Variants in MYH15 observed in about 807,000 individuals in gnomAD.
MYH15 encodes the protein myosin-15.
MYH15 carries 227 observed loss-of-function variants against 240.5 expected under a neutral mutation model. That is an observed-to-expected ratio of 0.94 (90% CI 0.85 to 1.05). The LOEUF (loss-of-function observed/expected upper bound fraction) is 1.05, where lower values mean the gene tolerates loss of function less well. MYH15 is among the 50% of genes least tolerant of loss of function. The probability of loss-of-function intolerance (pLI) is 0.00; values close to 1 mark genes in which losing one functional copy is unlikely to be tolerated. For missense variants in MYH15, 2,217 were observed against 2,247.5 expected (o/e 0.99, Z 0.27); for synonymous variants, 785 against 796.7 (o/e 0.99, Z 0.25).
chr3:108,409,594 C>T (rs1433321780), intron 31 of MYH15, among the ~76,000 whole-genome samples: 3 of 152,186 alleles, frequency 2.0e-5, no homozygotes, highest in Non-Finnish European at 4.4e-5. Flanking sequence ...TGTAGGTCAA[C>T]AGAAAGTAAG....
At chr3:108,434,128 T>A (rs1323708976) in intron 25 of MYH15, among the ~76,000 whole-genome samples, 14 of 16,422 alleles carry the variant, frequency 8.5e-4, no homozygotes, top group Non-Finnish European at 2.7e-3. Flanking sequence ...TTAAATATTG[T>A]TGTATTTAAT....
chr3:108,447,614 T>C (rs28887916), intron 21 of MYH15, among the ~76,000 whole-genome samples: 2,592 of 150,298 alleles, frequency 0.017, 71 homozygotes, highest in African/African-American at 0.06. Context: ...CAACCAGAAA[T>C]ACTGTATCCA....
At chr3:108,475,157 T>G (rs1328873883) in intron 12 of MYH15, among the ~76,000 whole-genome samples, 1 of 152,158 alleles carries the variant, frequency 6.6e-6, no homozygotes, top group Admixed American at 6.6e-5. Context: ...TGTCTTATAT[T>G]ACAAATTTGT....
At chr3:108,460,638 C>G (rs979378671) in intron 16 of MYH15, among the ~76,000 whole-genome samples, 3 of 152,092 alleles carry the variant, frequency 2.0e-5, no homozygotes, top group Non-Finnish European at 2.9e-5. Context: ...TAAAATTCAT[C>G]AACAAATGCA....
intron 9 of MYH15, among the ~76,000 whole-genome samples, chr3:108,490,049 T>C (rs2083334861): frequency 6.6e-6 from 1 of 152,238 alleles, no homozygotes; most frequent in Non-Finnish European, 1.5e-5. Flanking sequence ...CAGTCTCTGC[T>C]GGTACCCACA....
chr3:108,455,636 G>T, intron 20 of MYH15, 100 bp downstream of exon 20: 1 of 1,334,858 alleles, frequency 7.5e-7, no homozygotes, highest in Non-Finnish European at 1.1e-6. Flanking sequence ...GGTCATGAGA[G>T]CTGAAGAATG....
At chr3:108,458,750 C>T (rs1292832700) in intron 18 of MYH15, among the ~76,000 whole-genome samples, 2 of 148,584 alleles carry the variant, frequency 1.3e-5, no homozygotes, top group African/African-American at 5.0e-5. Context: ...GAATTGAAAA[C>T]ATTAAAAAAA....
intron 33 of MYH15, among the ~76,000 whole-genome samples, chr3:108,403,861 GTGAAC>G (rs904599549): frequency 5.3e-5 from 8 of 151,842 alleles, no homozygotes; most frequent in African/African-American, 1.9e-4. Context: ...ATTATAATTG[GTGAAC>G]TGCTCTACGA....
chr3:108,515,464 A>G (rs2083554348), upstream of MYH15, among the ~76,000 whole-genome samples: 1 of 152,178 alleles, frequency 6.6e-6, no homozygotes, highest in Non-Finnish European at 1.5e-5. Context: ...CCTATATTTA[A>G]TTTCTGCCTT....
intron 25 of MYH15, among the ~76,000 whole-genome samples, chr3:108,436,103 G>T (rs1469789510): frequency 6.6e-6 from 1 of 152,076 alleles, no homozygotes; most frequent in African/African-American, 2.4e-5. Context: ...AATTTGAAAT[G>T]CCACCTTTAT....
chr3:108,493,824 G>A (rs527587668), intron 7 of MYH15, among the ~76,000 whole-genome samples: 3 of 152,366 alleles, frequency 2.0e-5, no homozygotes, highest in South Asian at 2.1e-4. Context: ...AAAGGGTAGA[G>A]TTTTATTTTA....
At chr3:108,471,025 AAAAG>A (rs140380789) in intron 12 of MYH15, among the ~76,000 whole-genome samples, 178 bp from the exon 13 acceptor site, 27,726 of 129,654 alleles carry the variant, frequency 0.21, 3,380 homozygotes, top group African/African-American at 0.35. Context: ...GAGAGAGAGA[AAAAG>A]AAAGAAAGAA....
Position 108,421,188 on chromosome 3 carries a change from T to C in MYH15, c.3729A>G (p.Leu1243=), listed in dbSNP as rs757074638. The C allele has an allele frequency of 6.8e-6, 11 of 1,613,496 alleles. No homozygotes were observed. Among genetic ancestry groups the C allele is most frequent in the Non-Finnish European group, 9.3e-6 (11 of 1,179,904 alleles). ...TTGCTTCATGCAAGCGCTCTTCATA[T>C]AGAGTACAGAGTTTCTCAGCATTTG... is the stretch of plus-strand genomic sequence containing the variant. ...AKANAEKLCT[L]YEERLHEATA... Residue 1243 remains leucine (L), a synonymous_variant, in exon 28 of 41, where the codon CTA becomes CTG. Transcript: ENST00000693548.
At position 108,510,591 on chromosome 3, in the gene MYH15, A is replaced by AG. The variant is rs34809945; in HGVS notation, c.-62_-61insC. ...ACGTGAGTAGGCAAGATTCAACCTG[A>AG]AAAAAAAAAATTGATACAGAGAAGA... On this transcript the variant is annotated 5_prime_UTR_variant, in exon 1 of 41. Coordinates refer to ENST00000693548, the MANE Select transcript of MYH15 (RefSeq NM_014981.3). 8.9e-3 allele frequency: 10,568 copies of AG among 1,193,386 alleles called. 38 individuals carry two copies. The highest frequency in any genetic ancestry group is 0.021 in the Middle Eastern group (101 of 4,856). The allele number at this position is 1,193,386 out of a possible 1,614,324, so 73.9% of individuals were successfully genotyped here. A position where few individuals can be genotyped will look rare whatever the true frequency, so the allele number is the denominator to read the frequency against.
At chr3:108,453,109 G>C (rs1425789030) in intron 21 of MYH15, among the ~76,000 whole-genome samples, 3 of 152,076 alleles carry the variant, frequency 2.0e-5, no homozygotes, top group Non-Finnish European at 2.9e-5. Flanking sequence ...GATCATAAAG[G>C]CTTCACTTTA....
intron 10 of MYH15, 129 bp from the exon 11 acceptor site, chr3:108,485,358 A>C (rs1219155421): frequency 9.8e-7 from 1 of 1,022,582 alleles, no homozygotes; most frequent in Non-Finnish European, 1.4e-6. Context: ...GTTCAAAGCA[A>C]TGCAAATCAG....
intron 30 of MYH15, among the ~76,000 whole-genome samples, chr3:108,411,665 T>A (rs992760873): frequency 6.6e-6 from 1 of 152,250 alleles, no homozygotes; most frequent in Admixed American, 6.5e-5. Flanking sequence ...TGTGTTCTGT[T>A]TCTTACATCT....
At chr3:108,537,818 A>G in the MYH15 span, among the ~76,000 whole-genome samples, 1 of 152,312 alleles carries the variant, frequency 6.6e-6, no homozygotes, top group East Asian at 1.9e-4. Context: ...AAAACAAAGA[A>G]AAATAATTAA....
chr3:108,539,285 G>A, the MYH15 span, among the ~76,000 whole-genome samples: 300 of 152,296 alleles, frequency 2.0e-3, no homozygotes, highest in African/African-American at 6.1e-3. Flanking sequence ...AAAAGCAGGT[G>A]AAACAATACC....
Sources: gnomAD v4.1 joint callset for allele counts (sites outside exome capture counted in the v4.1 genomes callset) on GRCh38, gnomAD v4.1.1 for gene constraint, MANE v1.5 for transcripts, NCBI Gene and HGNC (gene_info 2026-07-23, HGNC 2026-07-21) for gene names.